The following NR4A1 variants were observed in gnomAD, a reference collection of about 807,000 sequenced individuals.
NR4A1 encodes nuclear receptor subfamily 4 group A member 1.
Under a neutral mutation model 47.5 loss-of-function variants are expected in NR4A1, and 24 were observed. The ratio of observed to expected loss-of-function variants is 0.50; its 90% confidence interval spans 0.37 to 0.71. NR4A1 has a LOEUF of 0.71. Ranked by LOEUF, NR4A1 falls within the 30% of genes least tolerant of loss-of-function variation. The pLI is 0.00. For synonymous variants in NR4A1, 353 were observed against 345.7 expected, an observed-to-expected ratio of 1.02 and a Z score of -0.24; for missense variants, 669 against 788.6, an observed-to-expected ratio of 0.85 and a Z score of 1.82.
At chr12:52,041,985 C>A in intron 2 of NR4A1, 3 of 1,255,440 alleles carry the variant, frequency 2.4e-6, no homozygotes, top group Admixed American at 3.9e-5. Context: ...GGTTGGGGGG[C>A]AGAGGTGGGG....
chr12:52,055,221 G>C lies in NR4A1; in HGVS notation c.876+17G>C, dbSNP rs1394224307. On this transcript the variant is annotated intron_variant, in intron 2 of 6. Transcript: ENST00000394825. ...TTCTTCAAGGTACCGCGCAGCCCCA[G>C]GTGGGGCCTTTTGTTGGAAATGGAG... 1.4e-5 allele frequency: 23 copies of C among 1,609,058 alleles called. No individual in the cohort carries two copies. Among genetic ancestry groups the C allele is most frequent in the South Asian group, 3.3e-5 (3 of 91,068 alleles).
intron 1 of NR4A1, among the ~76,000 whole-genome samples, chr12:52,033,740 C>A (rs918438335): frequency 6.6e-6 from 1 of 152,296 alleles, no homozygotes; most frequent in Admixed American, 6.5e-5. Context: ...TCTATTTTTT[C>A]GGCCCTTAAA....
At chr12:52,037,153 G>A (rs1938263478) in intron 1 of NR4A1, 1 of 147,986 alleles carries the variant, frequency 6.8e-6, no homozygotes, top group Non-Finnish European at 1.5e-5. Flanking sequence ...GCGCGCCGGG[G>A]CTGGGACAGC....
chr12:52,055,310 C>T, intron 2 of NR4A1, 106 bp downstream of exon 2: 1 of 1,467,056 alleles, frequency 6.8e-7, no homozygotes, highest in South Asian at 1.2e-5. Context: ...TAGCTAAGTC[C>T]TGTCCTGCAG....
At chr12:52,034,769 C>G (rs1592282433) in intron 1 of NR4A1, among the ~76,000 whole-genome samples, 1 of 152,172 alleles carries the variant, frequency 6.6e-6, no homozygotes. Flanking sequence ...CCCACGGCCC[C>G]CAGTATTCCC....
intron 1 of NR4A1, chr12:52,038,772 C>T (rs767140836): frequency 6.5e-6 from 5 of 763,504 alleles, no homozygotes; most frequent in East Asian, 2.4e-5. Flanking sequence ...AAGGATGGGC[C>T]GAGATTAACG....
At chr12:52,033,167 C>T (rs1441950107) in intron 1 of NR4A1, among the ~76,000 whole-genome samples, 4 of 152,214 alleles carry the variant, frequency 2.6e-5, no homozygotes, top group Non-Finnish European at 5.9e-5. Flanking sequence ...GCGGCTTCCC[C>T]GGCCCCACCC....
At chr12:52,033,596 G>A (rs1387283203) in intron 1 of NR4A1, among the ~76,000 whole-genome samples, 2 of 152,146 alleles carry the variant, frequency 1.3e-5, no homozygotes, top group Non-Finnish European at 2.9e-5. Flanking sequence ...TAGAGCAAAC[G>A]TGGAAGTGCT....
At position 52,057,193 on chromosome 12, in the gene NR4A1, C is replaced by T. The variant is rs756116997; in HGVS notation, c.1295C>T (p.Pro432Leu). 5.8e-5 allele frequency: 94 copies of T among 1,613,960 alleles called. No homozygotes were observed. In the Middle Eastern group the frequency reaches 1.3e-3, roughly 23 times the overall value. Residue 432 changes from proline (P) to leucine (L), a missense_variant, in exon 5 of 7, where the codon CCG becomes CTG. Physicochemically the swap from Pro to Leu is moderately conservative, Grantham distance 98 (BLOSUM62 -3). Transcript: ENST00000394825. Reference protein sequence around the residue: ...EKIPGFAELSPADQDLLLESA... With the variant: ...EKIPGFAELSLADQDLLLESA... ...ATCCCTGGCTTTGCTGAGCTGTCACCGGCTGACCAGGACCTGTTGCTGGAG... is the reference window on the plus strand; with the variant it reads ...ATCCCTGGCTTTGCTGAGCTGTCACTGGCTGACCAGGACCTGTTGCTGGAG...
intron 1 of NR4A1, among the ~76,000 whole-genome samples, chr12:52,023,895 C>T (rs1260346051): frequency 1.3e-5 from 2 of 152,234 alleles, no homozygotes. Flanking sequence ...GGAACGGCCA[C>T]ACTCGTCACC....
intron 1 of NR4A1, 42 bp from the exon 2 acceptor site, chr12:52,054,285 A>C (rs370720518): frequency 3.4e-5 from 52 of 1,525,288 alleles, no homozygotes; most frequent in Admixed American, 2.9e-4. Flanking sequence ...GGCTTGTCCC[A>C]CTGACTCTCC....
rs556661249 is a variant in NR4A1, at chr12:52,029,407, C to T, written c.-84+6468C>T. On this transcript the variant is annotated intron_variant, in intron 1 of 7. Coordinates refer to the NR4A1 transcript ENST00000360284. ...ACAGGCCCCTAATGTACTCCAGAGA[C>T]GGCCGGTGTGGTGGCCCACACCTGT... Among the ~76,000 whole-genome samples the T allele has an allele frequency of 7.9e-5, 12 of 152,260 alleles. No homozygotes were observed. The South Asian group carries it at 1.7e-3, about 21-fold the overall frequency.
chr12:52,028,202 CAAAAAAAAA>C (rs34072500), intron 1 of NR4A1, among the ~76,000 whole-genome samples: 1 of 61,766 alleles, frequency 1.6e-5, no homozygotes, highest in Non-Finnish European at 2.8e-5. Context: ...ACCCTGTCTC[CAAAAAAAAA>C]AAAAAAAAAA....
At chr12:52,051,646 G>A (rs1938953686) in intron 1 of NR4A1, 78 bp downstream of exon 1, 2 of 913,220 alleles carry the variant, frequency 2.2e-6, no homozygotes, top group Non-Finnish European at 2.6e-6. Flanking sequence ...CGGGCAGAGA[G>A]GATGTTGTAG....
chr12:52,049,203 G>A (rs746540010), upstream of NR4A1, among the ~76,000 whole-genome samples: 15 of 152,140 alleles, frequency 9.9e-5, no homozygotes, highest in Non-Finnish European at 2.2e-4. Flanking sequence ...TGTTGGCCCT[G>A]TGGAACCTGT....
chr12:52,027,683 C>T (rs1938027063), intron 1 of NR4A1, among the ~76,000 whole-genome samples: 1 of 152,214 alleles, frequency 6.6e-6, no homozygotes, highest in Non-Finnish European at 1.5e-5. Flanking sequence ...GGGCTGCACT[C>T]CACCCACATC....
chr12:52,040,623 G>A (rs1249055304), intron 1 of NR4A1, among the ~76,000 whole-genome samples: 1 of 152,138 alleles, frequency 6.6e-6, no homozygotes, highest in Non-Finnish European at 1.5e-5. Context: ...GCCTTTTCCT[G>A]CTTCCCATCA....
In NR4A1 at chr12:52,054,739, G is replaced by A. The variant is rs1939161967; in HGVS notation, c.411G>A (p.Ser137=). 7 of 1,612,692 alleles carry A rather than the reference G, an allele frequency of 4.3e-6. No homozygotes were observed. Among genetic ancestry groups the A allele is most frequent in the South Asian group, 1.1e-5 (1 of 91,066 alleles). Residue 137 remains serine (S), a synonymous_variant, in exon 2 of 7, where the codon TCG becomes TCA. Transcript: ENST00000394825. ...CTGACTACTATGGCAGCCCCTGCTCGGCCCCGTCGCCCTCCACGCCCAGCT... is the reference window on the plus strand; with the variant it reads ...CTGACTACTATGGCAGCCCCTGCTCAGCCCCGTCGCCCTCCACGCCCAGCT... ...SGSDYYGSPC[S]APSPSTPSFQ...
chr12:52,054,763 C>T lies in NR4A1; in HGVS notation c.435C>T (p.Ser145=). Residue 145 remains serine, a synonymous_variant, in exon 2 of 7, where the codon AGC becomes AGT. Transcript: ENST00000394825. The stretch of plus-strand genomic sequence containing the variant: ...CGGCCCCGTCGCCCTCCACGCCCAG[C>T]TTCCAGCCGCCCCAGCTCTCTCCCT... ...PCSAPSPSTP[S]FQPPQLSPWD... 1 of 1,612,606 alleles carries T rather than the reference C, an allele frequency of 6.2e-7. No homozygotes were observed. Among genetic ancestry groups the T allele is most frequent in the Non-Finnish European group, 8.5e-7 (1 of 1,179,978 alleles).
Sources: allele counts gnomAD v4.1 joint callset (sites outside exome capture counted in the v4.1 genomes callset), GRCh38; gene constraint gnomAD v4.1.1; transcripts MANE v1.5; gene names NCBI Gene and HGNC (gene_info 2026-07-23, HGNC 2026-07-21).